The following GALNT13 variants were observed in gnomAD, a reference collection of about 807,000 sequenced individuals.
The protein encoded by GALNT13 is polypeptide N-acetylgalactosaminyltransferase 13, also known as UDP-GalNAc:polypeptide N-acetylgalactosaminyltransferase 13.
Under a neutral mutation model 64.2 loss-of-function variants are expected in GALNT13, and 28 were observed. That is an observed-to-expected ratio of 0.44 (90% confidence interval 0.32 to 0.60). The LOEUF is 0.60. GALNT13 is among the 20% of genes least tolerant of loss of function. The pLI is 0.05. For synonymous variants in GALNT13, 214 were observed against 224.6 expected (o/e 0.95, Z 0.42); for missense variants, 577 against 669.8 (o/e 0.86, Z 1.53).
At chr2:153,210,896 G>A in the GALNT13 span, among the ~76,000 whole-genome samples, 3 of 151,964 alleles carry the variant, frequency 2.0e-5, no homozygotes, top group Admixed American at 2.0e-4. Flanking sequence ...TAGATGCTTG[G>A]GAAGTATTAG....
At chr2:153,880,004 A>G (rs1686672375) in intron 1 of GALNT13, among the ~76,000 whole-genome samples, 1 of 152,190 alleles carries the variant, frequency 6.6e-6, no homozygotes, top group Non-Finnish European at 1.5e-5. Context: ...AAGATTTGGA[A>G]AATAAACAGC....
chr2:153,329,781 T>C, the GALNT13 span, among the ~76,000 whole-genome samples: 1 of 152,242 alleles, frequency 6.6e-6, no homozygotes. Flanking sequence ...TTTAGTTTAA[T>C]AAGGCCCCAT....
At chr2:154,212,246 CA>C (rs1165543636) in intron 4 of GALNT13, among the ~76,000 whole-genome samples, 1 of 151,668 alleles carries the variant, frequency 6.6e-6, no homozygotes, top group Non-Finnish European at 1.5e-5. Flanking sequence ...GAAATTCAAT[CA>C]GGCATTTTTT....
intron 8 of GALNT13, among the ~76,000 whole-genome samples, chr2:154,273,072 G>A (rs555118393): frequency 3.0e-4 from 46 of 152,212 alleles, no homozygotes; most frequent in African/African-American, 1.0e-3. Context: ...CGGTTTCCTA[G>A]AACTTATGCT....
At chr2:153,765,941 C>G in the GALNT13 span, among the ~76,000 whole-genome samples, 1 of 152,200 alleles carries the variant, frequency 6.6e-6, no homozygotes, top group Non-Finnish European at 1.5e-5. Flanking sequence ...CCTTTACCTT[C>G]TGCCATAATT....
intron 11 of GALNT13, among the ~76,000 whole-genome samples, chr2:154,426,959 C>A (rs943171051): frequency 6.6e-6 from 1 of 152,002 alleles, no homozygotes; most frequent in Non-Finnish European, 1.5e-5. Context: ...AAAATATATC[C>A]TTAGCATTGT....
At chr2:153,834,626 A>G in the GALNT13 span, among the ~76,000 whole-genome samples, 1 of 152,256 alleles carries the variant, frequency 6.6e-6, no homozygotes, top group Admixed American at 6.5e-5. Context: ...TTAATACTTT[A>G]GTGGAGGGGA....
intron 4 of GALNT13, among the ~76,000 whole-genome samples, chr2:154,220,529 A>G (rs1186730978): frequency 6.6e-6 from 1 of 152,118 alleles, no homozygotes; most frequent in Non-Finnish European, 1.5e-5. Context: ...AAATCTTAAA[A>G]ATACATGTGC....
At chr2:153,541,529 C>A in the GALNT13 span, among the ~76,000 whole-genome samples, 2 of 152,168 alleles carry the variant, frequency 1.3e-5, no homozygotes, top group African/African-American at 4.8e-5. Flanking sequence ...ACACCTTTCC[C>A]CAAAGCCAGT....
At chr2:154,389,137 T>TG (rs536110966) in intron 9 of GALNT13, among the ~76,000 whole-genome samples, 10 of 152,228 alleles carry the variant, frequency 6.6e-5, no homozygotes, top group African/African-American at 9.6e-5. Flanking sequence ...TTTTTGTTTT[T>TG]GGGGGGGTGG....
the GALNT13 span, among the ~76,000 whole-genome samples, chr2:153,622,288 G>T: frequency 2.0e-5 from 3 of 152,006 alleles, no homozygotes; most frequent in Admixed American, 2.0e-4. Flanking sequence ...GAGATCCAAA[G>T]GTTTTATTTA....
chr2:153,204,739 C>T, the GALNT13 span, among the ~76,000 whole-genome samples: 1 of 152,042 alleles, frequency 6.6e-6, no homozygotes, highest in African/African-American at 2.4e-5. Context: ...GGATTCTATC[C>T]CCTTTGCAAA....
At chr2:153,200,695 T>C in the GALNT13 span, among the ~76,000 whole-genome samples, 1 of 152,194 alleles carries the variant, frequency 6.6e-6, no homozygotes, top group Non-Finnish European at 1.5e-5. Flanking sequence ...TTTTGAGGAT[T>C]AGAGAAATGC....
chr2:154,451,168 T>G lies in GALNT13; in HGVS notation c.*617T>G, dbSNP rs1206665728. The G allele has an allele frequency of 6.6e-6, 1 of 152,150 alleles. No homozygotes were observed. The highest frequency in any genetic ancestry group is 2.4e-5 in the African/African-American group (1 of 41,450). 9.4% of individuals were successfully genotyped at this position (152,150 alleles called of 1,614,324 possible). ...ATTCAAAAAAGAGAAGGAAACTTTT[T>G]AAATTCAATTTAGAGTACATAAAAA... On this transcript the variant is annotated 3_prime_UTR_variant, in exon 13 of 13. Transcript: ENST00000392825.
intron 3 of GALNT13, among the ~76,000 whole-genome samples, chr2:154,022,261 T>A (rs946128524): frequency 6.6e-6 from 1 of 152,116 alleles, no homozygotes; most frequent in Non-Finnish European, 1.5e-5. Context: ...TTGATTGGAG[T>A]AGTTTCAGAA....
the GALNT13 span, among the ~76,000 whole-genome samples, chr2:153,400,149 TG>T: frequency 4.5e-4 from 69 of 152,004 alleles, no homozygotes; most frequent in African/African-American, 1.6e-3. Context: ...TGTTGAATTT[TG>T]TCAAAGGCTT....
intron 3 of GALNT13, among the ~76,000 whole-genome samples, chr2:153,998,955 T>A (rs1695710121): frequency 6.6e-6 from 1 of 152,034 alleles, no homozygotes; most frequent in Non-Finnish European, 1.5e-5. Flanking sequence ...GAATCAATAT[T>A]GTGAAAATGG....
chr2:153,075,118 T>C, the GALNT13 span, among the ~76,000 whole-genome samples: 17 of 152,294 alleles, frequency 1.1e-4, no homozygotes, highest in East Asian at 3.1e-3. Context: ...GATAACTTTA[T>C]TGCCTTCTAG....
the GALNT13 span, among the ~76,000 whole-genome samples, chr2:153,736,310 C>A: frequency 1.3e-5 from 2 of 152,134 alleles, no homozygotes; most frequent in Non-Finnish European, 2.9e-5. Context: ...CATATTTTGG[C>A]CAATGGGAGC....
Sources: allele counts gnomAD v4.1 joint callset (sites outside exome capture counted in the v4.1 genomes callset), GRCh38; gene constraint gnomAD v4.1.1; transcripts MANE v1.5; gene names NCBI Gene and HGNC (gene_info 2026-07-23, HGNC 2026-07-21).